FOCAD: variants seen among roughly 807,000 people sequenced by gnomAD.
FOCAD encodes KIAA1797.
Under a neutral mutation model 225.6 loss-of-function variants are expected in FOCAD, and 198 were observed. The ratio of observed to expected loss-of-function variants is 0.88; its 90% confidence interval spans 0.78 to 0.99. The LOEUF (loss-of-function observed/expected upper bound fraction) is 0.99, where lower values mean the gene tolerates loss of function less well. Ranked by LOEUF, FOCAD falls within the 50% of genes least tolerant of loss-of-function variation. The probability of loss-of-function intolerance (pLI) is 0.00; values close to 1 mark genes in which losing one functional copy is unlikely to be tolerated. For missense variants in FOCAD, 2,713 were observed against 2,123.6 expected (o/e 1.28, Z -5.46); for synonymous variants, 897 against 755.0 (o/e 1.19, Z -3.08).
In FOCAD at chr9:20,693,284, G is replaced by T. The variant is rs1397177363; in HGVS notation, c.-33+8991G>T. On this transcript the variant is annotated intron_variant, in intron 1 of 43. Transcript: ENST00000338382. ...CTTTCCGCCTAGAGTCTTCTTTTCTGAGATGACGAAACTGCTCTTTTACTC... is the reference window on the plus strand; with the variant it reads ...CTTTCCGCCTAGAGTCTTCTTTTCTTAGATGACGAAACTGCTCTTTTACTC... Among the ~76,000 whole-genome samples the T allele has an allele frequency of 2.0e-5, 3 of 152,156 alleles. No individual in the cohort carries two copies. In the East Asian group the frequency reaches 5.8e-4, roughly 29 times the overall value.
intron 4 of FOCAD, among the ~76,000 whole-genome samples, chr9:20,735,647 C>G (rs1358907094): frequency 6.6e-6 from 1 of 151,792 alleles, no homozygotes; most frequent in Non-Finnish European, 1.5e-5. Context: ...TCCTGAGTAG[C>G]TAGGACTACA....
At chr9:20,666,560 C>A (rs574091327) in intron 2 of FOCAD, among the ~76,000 whole-genome samples, 37 of 151,948 alleles carry the variant, frequency 2.4e-4, no homozygotes, top group African/African-American at 8.9e-4. Flanking sequence ...AGAGTGAGAC[C>A]CTATCTCAAA....
intron 22 of FOCAD, 105 bp downstream of exon 22, chr9:20,907,347 C>G (rs1199208558): frequency 3.5e-6 from 3 of 852,172 alleles, no homozygotes; most frequent in Admixed American, 4.0e-5. Flanking sequence ...AATAGCACTA[C>G]CAAAAATGTA....
intron 6 of FOCAD, among the ~76,000 whole-genome samples, chr9:20,762,677 T>A (rs1829713731): frequency 6.6e-6 from 1 of 152,184 alleles, no homozygotes; most frequent in Non-Finnish European, 1.5e-5. Context: ...TAAAAAGAAT[T>A]CCCTTTTATT....
chr9:20,728,429 G>T (rs1826394297), intron 4 of FOCAD, among the ~76,000 whole-genome samples: 1 of 152,108 alleles, frequency 6.6e-6, no homozygotes, highest in Admixed American at 6.5e-5. Context: ...ACTGTATTTT[G>T]TCTGTAGCCT....
intron 5 of FOCAD, among the ~76,000 whole-genome samples, chr9:20,753,949 A>G (rs976838273): frequency 1.3e-5 from 2 of 152,190 alleles, no homozygotes; most frequent in East Asian, 1.9e-4. Flanking sequence ...GCAACTTAGT[A>G]TTCATAACTT....
chr9:20,813,982 C>T (rs1206843764), intron 11 of FOCAD, among the ~76,000 whole-genome samples: 3 of 152,102 alleles, frequency 2.0e-5, no homozygotes, highest in African/African-American at 4.8e-5. Flanking sequence ...TAATGTCCTT[C>T]TTTCTCTCTT....
intron 11 of FOCAD, among the ~76,000 whole-genome samples, chr9:20,814,106 C>T (rs1312789981): frequency 6.6e-6 from 1 of 152,006 alleles, no homozygotes; most frequent in African/African-American, 2.4e-5. Context: ...CTTTTGTAGA[C>T]GTTATTATAG....
rs200166806 is a variant in FOCAD, at chr9:20,923,668, C to T, written c.2861C>T (p.Pro954Leu). 593 of 1,613,568 alleles carry T rather than the reference C, an allele frequency of 3.7e-4. 4 individuals carry two copies. The East Asian group carries it at 8.1e-3, about 22-fold the overall frequency. Residue 954 changes from proline to leucine, a missense_variant, in exon 25 of 44, where the codon CCG (proline) becomes CTG (leucine). By Grantham distance (98) the Pro-to-Leu change is moderately conservative (BLOSUM62 -3). Coordinates refer to ENST00000338382, the MANE Select transcript of FOCAD (RefSeq NM_001375567.1). ...TTTTTCCTTTTGAACAGGGAGAGTCCGGTAGTGAAAGGCAATGCGCTGTTA... is the reference window on the plus strand; with the variant it reads ...TTTTTCCTTTTGAACAGGGAGAGTCTGGTAGTGAAAGGCAATGCGCTGTTA... ...EITKAAAKES[P>L]VVKGNALLAL...
At chr9:20,890,918 C>T (rs1831557689) in intron 21 of FOCAD, among the ~76,000 whole-genome samples, 1 of 151,948 alleles carries the variant, frequency 6.6e-6, no homozygotes, top group Non-Finnish European at 1.5e-5. Context: ...CATTTTGTTG[C>T]ACTTTGCAGA....
chr9:20,950,738 C>T (rs1355949064), intron 33 of FOCAD, among the ~76,000 whole-genome samples: 1 of 152,080 alleles, frequency 6.6e-6, no homozygotes, highest in Non-Finnish European at 1.5e-5. Context: ...CTCAGTGAAA[C>T]CTGAGAAAAC....
intron 35 of FOCAD, 43 bp downstream of exon 35, chr9:20,953,108 G>C: frequency 6.8e-7 from 1 of 1,479,626 alleles, no homozygotes. Flanking sequence ...CTATCTCCAT[G>C]TTGTTATAAG....
chr9:20,968,347 T>G (rs2132518156), intron 35 of FOCAD, among the ~76,000 whole-genome samples: 1 of 152,026 alleles, frequency 6.6e-6, no homozygotes, highest in South Asian at 2.1e-4. Flanking sequence ...TATGTTTTTT[T>G]TCTTAGTCTA....
intron 20 of FOCAD, among the ~76,000 whole-genome samples, chr9:20,884,348 G>C (rs985636884): frequency 6.6e-6 from 1 of 152,088 alleles, no homozygotes; most frequent in Middle Eastern, 3.2e-3. Context: ...GCCCAGGCTG[G>C]AGTACAGTGG....
At chr9:20,764,567 G>A (rs1015870978) in intron 6 of FOCAD, among the ~76,000 whole-genome samples, 1 of 152,092 alleles carries the variant, frequency 6.6e-6, no homozygotes, top group African/African-American at 2.4e-5. Flanking sequence ...GATGATTCTT[G>A]TGTTCACTAA....
intron 2 of FOCAD, among the ~76,000 whole-genome samples, chr9:20,666,930 T>C (rs1821914788): frequency 6.6e-6 from 1 of 152,214 alleles, no homozygotes; most frequent in South Asian, 2.1e-4. Context: ...GTCTTTGATA[T>C]TCCTGAAATA....
chr9:20,818,744 C>G (rs574029145), intron 11 of FOCAD, among the ~76,000 whole-genome samples: 1 of 152,072 alleles, frequency 6.6e-6, no homozygotes, highest in East Asian at 1.9e-4. Context: ...AATCTTATGC[C>G]AGTACCATAC....
intron 41 of FOCAD, among the ~76,000 whole-genome samples, chr9:20,989,842 C>A (rs1393019282): frequency 6.6e-6 from 1 of 152,132 alleles, no homozygotes; most frequent in Non-Finnish European, 1.5e-5. Flanking sequence ...CGATGTTTCT[C>A]CTGAAATGTT....
chr9:20,750,593 G>C (rs1263029843), intron 5 of FOCAD, among the ~76,000 whole-genome samples: 1 of 152,052 alleles, frequency 6.6e-6, no homozygotes, highest in East Asian at 1.9e-4. Context: ...CTGACTGCCT[G>C]GTTTGTATTG....
Sources: gnomAD v4.1 joint callset for allele counts (sites outside exome capture counted in the v4.1 genomes callset) on GRCh38, gnomAD v4.1.1 for gene constraint, MANE v1.5 for transcripts, NCBI Gene and HGNC (gene_info 2026-07-23, HGNC 2026-07-21) for gene names.